The following LRCH4 variants were observed in gnomAD, a reference collection of about 807,000 sequenced individuals.
LRCH4 encodes leucine-rich repeat and calponin homology domain-containing protein 4.
Under a neutral mutation model 81.2 loss-of-function variants are expected in LRCH4, and 56 were observed. That is an observed-to-expected ratio of 0.69 (90% CI 0.56 to 0.86). The LOEUF (loss-of-function observed/expected upper bound fraction) is 0.86, where lower values mean the gene tolerates loss of function less well. Among genes scored for constraint, LRCH4 ranks in the 40% least tolerant of loss-of-function variants. LRCH4 has a pLI of 0.00. For synonymous variants in LRCH4, 442 were observed against 409.7 expected (o/e 1.08, Z -0.95); for missense variants, 895 against 922.8 (o/e 0.97, Z 0.39).
In LRCH4 at chr7:100,585,779, C is replaced by A; in HGVS notation, c.220+102G>T. 3.1e-6 allele frequency: 4 copies of A among 1,291,298 alleles called. No individual in the cohort carries two copies. In the South Asian group the frequency reaches 6.6e-5, roughly 21 times the overall value. 80.0% of individuals were successfully genotyped at this position (1,291,298 alleles called of 1,614,324 possible). ...AATCAGGAGGGGCAGCAACCCTGGC[C>A]GCCAGGTGAAGGGGCGGGCCCGACT... On this transcript the variant is annotated intron_variant, in intron 1 of 17. Transcript: ENST00000310300.
In LRCH4 at chr7:100,577,085, C is replaced by T. The variant is rs111766373; in HGVS notation, c.1364+1G>A. On this transcript the variant is annotated splice_donor_variant, in intron 12 of 17. Coordinates refer to ENST00000310300, the MANE Select transcript of LRCH4 (RefSeq NM_002319.5). LOFTEE classifies it high-confidence loss of function. This position sits in a 1 kb window ranked among gnomAD's most constrained non-coding sequence, Gnocchi z 6.7. ...GGAGGGGATGCTGGCAGGAAACCTA[C>T]TTGTGCATGGCTTGAGTGGACACGG... 36 of 1,614,026 alleles carry T rather than the reference C, an allele frequency of 2.2e-5. No homozygotes were observed. In the African/African-American group the frequency reaches 3.1e-4, roughly 14 times the overall value.
intron 4 of LRCH4, chr7:100,581,569 A>G (rs1801560008): frequency 3.7e-6 from 2 of 537,966 alleles, no homozygotes; most frequent in South Asian, 4.5e-5. Context: ...GAGTACCACA[A>G]GGAGCCGGCA....
At position 100,577,019 on chromosome 7, in the gene LRCH4, GA is replaced by G. The variant is rs1801386185; in HGVS notation, c.1365-15del. 4.3e-6 allele frequency: 7 copies of G among 1,613,710 alleles called. No homozygotes were observed. The highest frequency in any genetic ancestry group is 5.9e-6 in the Non-Finnish European group (7 of 1,179,772). ...TTAGGCGAGCCGCTGAGGAGAGACA[GA>G]AGGGAATTAGAGGGATGATGGTCAT... On this transcript the variant is annotated splice_polypyrimidine_tract_variant and intron_variant, in intron 12 of 17. Transcript: ENST00000310300. This position sits in a 1 kb window ranked among gnomAD's most constrained non-coding sequence, Gnocchi z 6.7.
chr7:100,578,223 T>C lies in LRCH4; in HGVS notation c.884A>G (p.Asp295Gly), dbSNP rs531826474. 6 of 1,614,088 alleles carry C rather than the reference T, an allele frequency of 3.7e-6. No homozygotes were observed. Among genetic ancestry groups the C allele is most frequent in the Non-Finnish European group, 5.1e-6 (6 of 1,180,024 alleles). The change falls in exon 7 of 18, where the codon GAT becomes GGT. Residue 295 changes from aspartate (D) to glycine (G), a missense_variant. By Grantham distance (94) the Asp-to-Gly change is moderately conservative (BLOSUM62 -1). Transcript: ENST00000310300. The surrounding 1 kb of genome is among the most constrained non-coding windows in gnomAD (Gnocchi z 5.7). ...GTGGAAGCCTGAGTCCAGCCCACCA[T>C]CGTACCGATGTCCCGGAAATAGATC... Reference protein sequence around the residue: ...AEDLFPGHRYDGGLDSGFHSV... With the variant: ...AEDLFPGHRYGGGLDSGFHSV...
At position 100,575,407 on chromosome 7, in the gene LRCH4, C is replaced by A. The variant is rs1235485481; in HGVS notation, c.1855-103G>T. 3 of 1,106,530 alleles carry A rather than the reference C, an allele frequency of 2.7e-6. No homozygotes were observed. Among genetic ancestry groups the A allele is most frequent in the South Asian group, 2.8e-5 (2 of 70,800 alleles). 68.5% of individuals were successfully genotyped at this position (1,106,530 alleles called of 1,614,324 possible). On this transcript the variant is annotated intron_variant, in intron 17 of 17. Transcript: ENST00000310300. The surrounding 1 kb of genome is among the most constrained non-coding windows in gnomAD (Gnocchi z 5.3). ...TGCCCTCACGTGCTGGGGCCAGAAC[C>A]ACGCCCACATGCTGACGTGCTGGGC...
Position 100,583,543 on chromosome 7 carries a change from C to T in LRCH4, c.221-1084G>A, listed in dbSNP as rs1430445047. On this transcript the variant is annotated intron_variant, in intron 1 of 17. Transcript: ENST00000310300. This position sits in a 1 kb window ranked among gnomAD's most constrained non-coding sequence, Gnocchi z 4.3. ...GGAAGGGCAGGCCAGCAAAAGCAAG[C>T]AGAGGAGAGAAGCCGGGTATATCCC... 6.6e-6 allele frequency among the ~76,000 whole-genome samples: 1 copy of T among 152,160 alleles called. No individual in the cohort carries two copies. The highest frequency in any genetic ancestry group is 1.5e-5 in the Non-Finnish European group (1 of 68,014).
rs758337211 is a variant in LRCH4, at chr7:100,575,987, G to A, written c.1660C>T (p.Arg554Trp). The A allele has an allele frequency of 2.2e-5, 35 of 1,605,728 alleles. No homozygotes were observed. Among genetic ancestry groups the A allele is most frequent in the Admixed American group, 5.1e-5 (3 of 59,266 alleles). The change falls in exon 16 of 18, where the codon CGG becomes TGG. Residue 554 changes from arginine (R) to tryptophan (W), a missense_variant. Coordinates refer to ENST00000310300, the MANE Select transcript of LRCH4 (RefSeq NM_002319.5). This position sits in a 1 kb window ranked among gnomAD's most constrained non-coding sequence, Gnocchi z 5.3. ...LRQVLESRLQ[R>W]PLPEDLAEAL... ...TCGGCCAGGTCCTCAGGCAGGGGCC[G>A]CTGCAGCCGGGACTCAAGGACCTGG...
rs767815300 is a variant in LRCH4 at position 100,585,913 on chromosome 7, C to T, written c.188G>A (p.Arg63His). 3.1e-6 allele frequency: 5 copies of T among 1,610,916 alleles called. No homozygotes were observed. Among genetic ancestry groups the T allele is most frequent in the Admixed American group, 1.7e-5 (1 of 59,868 alleles). Reference protein sequence around the residue: ...RLKHFPRGAARSYDLSDITQA... With the variant: ...RLKHFPRGAAHSYDLSDITQA... The stretch of plus-strand genomic sequence containing the variant: ...GGTGATGTCTGACAGGTCGTAGCTA[C>T]GGGCCGCGCCCCGGGGGAAGTGCTT... The change falls in exon 1 of 18, where the codon CGT (arginine) becomes CAT (histidine). Residue 63 changes from arginine to histidine, a missense_variant. Around this residue, in one of 3 missense-constraint regions of LRCH4, gnomAD observed 360 missense variants for 397.0 expected, o/e 0.91. Transcript: ENST00000310300.
At position 100,575,446 on chromosome 7, in the gene LRCH4, T is replaced by TGCAGGAGGAGTGCAGG. The variant is rs1562804016; in HGVS notation, c.1855-158_1855-143dup. ...GACGTGCTGGGCAGGGGGAGTGCAG[T>TGCAGGAGGAGTGCAGG]GCAGGAGGAGTGCAGGGCAGGGCAT... On this transcript the variant is annotated intron_variant, in intron 17 of 17. Coordinates refer to ENST00000310300, the MANE Select transcript of LRCH4 (RefSeq NM_002319.5). The surrounding 1 kb of genome is among the most constrained non-coding windows in gnomAD (Gnocchi z 5.3). The TGCAGGAGGAGTGCAGG allele has an allele frequency of 2.8e-5, 25 of 889,428 alleles. No individual in the cohort carries two copies. The Admixed American group carries it at 4.8e-4, about 17-fold the overall frequency. The allele number at this position is 889,428 out of a possible 1,614,324, so 55.1% of individuals were successfully genotyped here. A position where few individuals can be genotyped will look rare whatever the true frequency, so the allele number is the denominator to read the frequency against.
chr7:100,576,346 G>A (rs760458975), intron 14 of LRCH4, 23 bp from the exon 15 acceptor site: 6 of 1,570,942 alleles, frequency 3.8e-6, no homozygotes, highest in Non-Finnish European at 5.3e-6. Flanking sequence ...GGGGGGCATG[G>A]GGCTGCCTCC....
Position 100,582,225 on chromosome 7 carries a change from C to T in LRCH4, c.366-58G>A. 1.2e-6 allele frequency: 2 copies of T among 1,613,422 alleles called. No individual in the cohort carries two copies. The highest frequency in any genetic ancestry group is 8.5e-7 in the Non-Finnish European group (1 of 1,179,892). ...CCCAGGCATGGCATCCCAGCACTGC[C>T]ATCCTCTCGGGGTCACTGGGTGGGT... On this transcript the variant is annotated intron_variant, in intron 2 of 17. Coordinates refer to ENST00000310300, the MANE Select transcript of LRCH4 (RefSeq NM_002319.5). This position sits in a 1 kb window ranked among gnomAD's most constrained non-coding sequence, Gnocchi z 5.0.
rs146662360 is a variant in LRCH4 at position 100,582,831 on chromosome 7, G to A, written c.221-372C>T. Among the ~76,000 whole-genome samples the A allele has an allele frequency of 9.2e-5, 14 of 152,282 alleles. No individual in the cohort carries two copies. In the East Asian group the frequency reaches 2.3e-3, roughly 25 times the overall value. On this transcript the variant is annotated intron_variant, in intron 1 of 17. Coordinates refer to ENST00000310300, the MANE Select transcript of LRCH4 (RefSeq NM_002319.5). The surrounding 1 kb of genome is among the most constrained non-coding windows in gnomAD (Gnocchi z 5.0). ...TGAGAGGAGGGGTCAGTGCTCATGGGAAAACAGTAAGGCGAGGGGCTGGGG... is the reference window on the plus strand; with the variant it reads ...TGAGAGGAGGGGTCAGTGCTCATGGAAAAACAGTAAGGCGAGGGGCTGGGG...
At chr7:100,581,177 C>G (rs1225527372) in intron 4 of LRCH4, among the ~76,000 whole-genome samples, 1 of 152,230 alleles carries the variant, frequency 6.6e-6, no homozygotes, top group East Asian at 1.9e-4. Context: ...ATGCACCCAC[C>G]AGCTCCCCTT....
At chr7:100,579,195 C>T (rs1199739738) in intron 4 of LRCH4, 4 of 204,512 alleles carry the variant, frequency 2.0e-5, no homozygotes, top group South Asian at 7.9e-5. Context: ...AGATGTTGAG[C>T]GGATTGTGGC....
At position 100,579,196 on chromosome 7, in the gene LRCH4, G is replaced by A. The variant is rs561474156; in HGVS notation, c.599-410C>T. On this transcript the variant is annotated intron_variant, in intron 4 of 17. Transcript: ENST00000310300. ...GCAACCAGGGCTGCAGATGTTGAGC[G>A]GATTGTGGCCGCCCGGGAGTCCCCT... 3.9e-5 allele frequency: 8 copies of A among 205,174 alleles called. No individual in the cohort carries two copies. In the East Asian group the frequency reaches 4.0e-4, roughly 10 times the overall value. 12.7% of individuals were successfully genotyped at this position (205,174 alleles called of 1,614,324 possible). A position where few individuals can be genotyped will look rare whatever the true frequency, so the allele number is the denominator to read the frequency against.
At chr7:100,581,524 G>A (rs1260025732) in intron 4 of LRCH4, 1 of 423,726 alleles carries the variant, frequency 2.4e-6, no homozygotes, top group Admixed American at 4.0e-5. Flanking sequence ...TATCAAAGAG[G>A]CCCCAGAGGG....
In LRCH4 at chr7:100,583,463, C is replaced by A. The variant is rs558004778; in HGVS notation, c.221-1004G>T. Among the ~76,000 whole-genome samples the A allele has an allele frequency of 6.6e-5, 10 of 152,252 alleles. No individual in the cohort carries two copies. The South Asian group carries it at 1.9e-3, about 28-fold the overall frequency. ...TGTCCTGGGAGGGGCCCAGGGCCCG[C>A]GAGGCGGAGTCCCAGGCCACAGACC... On this transcript the variant is annotated intron_variant, in intron 1 of 17. Coordinates refer to ENST00000310300, the MANE Select transcript of LRCH4 (RefSeq NM_002319.5). The surrounding 1 kb of genome is among the most constrained non-coding windows in gnomAD (Gnocchi z 4.3).
Position 100,586,066 on chromosome 7 carries a change from C to T in LRCH4, c.35G>A (p.Gly12Glu). The change falls in exon 1 of 18, where the codon GGG becomes GAG. Residue 12 changes from glycine to glutamate, a missense_variant. Coordinates refer to ENST00000310300, the MANE Select transcript of LRCH4 (RefSeq NM_002319.5). The part of the protein sequence containing the change: ...AAAVAAPLAA[G>E]GEEAAATTSV... ...GGTCGTGGCTGCCGCCTCCTCACCC[C>T]CGGCGGCGAGTGGAGCCGCTACGGC... The T allele has an allele frequency of 6.4e-7, 1 of 1,561,990 alleles. No individual in the cohort carries two copies. Among genetic ancestry groups the T allele is most frequent in the Admixed American group, 1.9e-5 (1 of 51,828 alleles).
Position 100,575,513 on chromosome 7 carries a change from G to C in LRCH4, c.1854+192C>G, listed in dbSNP as rs1439962586. On this transcript the variant is annotated intron_variant, in intron 17 of 17. Transcript: ENST00000310300. The surrounding 1 kb of genome is among the most constrained non-coding windows in gnomAD (Gnocchi z 5.3). Reference sequence around the variant, plus strand: ...ATGCAGGACAAGATGGGGCCTGCAGGGCAGGGGATGTGTAGGACAGGTGAC... The same window carrying C: ...ATGCAGGACAAGATGGGGCCTGCAGCGCAGGGGATGTGTAGGACAGGTGAC... The C allele has an allele frequency of 1.2e-6, 1 of 860,040 alleles. No individual in the cohort carries two copies. The highest frequency in any genetic ancestry group is 2.0e-6 in the Non-Finnish European group (1 of 511,392). The allele number at this position is 860,040 out of a possible 1,614,324, so 53.3% of individuals were successfully genotyped here.
Sources: gnomAD v4.1 joint callset for allele counts (sites outside exome capture counted in the v4.1 genomes callset) on GRCh38, gnomAD v4.1.1 for gene constraint, gnomAD v4.1.1 regional missense constraint, Gnocchi (gnomAD v3.1) non-coding constraint, MANE v1.5 for transcripts, NCBI Gene and HGNC (gene_info 2026-07-23, HGNC 2026-07-21) for gene names.